BTG3: variants seen among roughly 807,000 people sequenced by gnomAD.
The protein encoded by BTG3 is protein BTG3.
In BTG3, 4 loss-of-function variants were observed where a neutral mutation model predicts 25.8. The ratio of observed to expected loss-of-function variants is 0.16; its 90% CI spans 0.08 to 0.36. BTG3 has a LOEUF of 0.36. BTG3 is among the 10% of genes least tolerant of loss of function. BTG3 has a pLI of 1.00. For missense variants in BTG3, 201 were observed against 304.9 expected (o/e 0.66, Z 2.54); for synonymous variants, 107 against 99.9 (o/e 1.07, Z -0.42).
intron 2 of BTG3, among the ~76,000 whole-genome samples, chr21:17,605,884 T>A (rs936406947): frequency 6.6e-6 from 1 of 152,204 alleles, no homozygotes; most frequent in African/African-American, 2.4e-5. Context: ...CCTAGTTAAG[T>A]CACTGTACCT....
At position 17,598,775 on chromosome 21, in the gene BTG3, C is replaced by T; in HGVS notation, c.361G>A (p.Asp121Asn). ...AFIVASFENK[D>N]ENKDEISRKV... ...CTGGAGATCTCATCCTTGTTCTCAT[C>T]TTTATTTTCAAAGCTGGCAACAATG... is the stretch of plus-strand genomic sequence containing the variant. The change falls in exon 4 of 5, where the codon GAT becomes AAT. Residue 121 changes from aspartate to asparagine, a missense_variant. Around this residue, in one of 2 missense-constraint regions of BTG3, gnomAD observed 70 missense variants for 175.7 expected, o/e 0.40. Coordinates refer to ENST00000348354, the MANE Select transcript of BTG3 (RefSeq NM_006806.5). The T allele has an allele frequency of 1.2e-6, 2 of 1,614,146 alleles. No individual in the cohort carries two copies. The highest frequency in any genetic ancestry group is 1.1e-5 in the South Asian group (1 of 91,074).
intron 3 of BTG3, among the ~76,000 whole-genome samples, chr21:17,602,240 T>C (rs1432769979): frequency 6.6e-6 from 1 of 152,236 alleles, no homozygotes; most frequent in Non-Finnish European, 1.5e-5. Context: ...GCAAGATTTA[T>C]TTTCTATTCT....
Position 17,598,625 on chromosome 21 carries a change from C to G in BTG3, c.511G>C (p.Val171Leu). 3.1e-6 allele frequency: 5 copies of G among 1,613,866 alleles called. No homozygotes were observed. Among genetic ancestry groups the G allele is most frequent in the Non-Finnish European group, 4.2e-6 (5 of 1,179,834 alleles). Residue 171 changes from valine (V) to leucine (L), a missense_variant, in exon 4 of 5, where the codon GTG becomes CTG. Physicochemically the swap from Val to Leu is conservative, Grantham distance 32 (BLOSUM62 1). This residue lies in a region of BTG3 where 131 missense variants were observed against 129.3 expected (regional missense o/e 1.01). Transcript: ENST00000348354. ...PSSVTAAASP[V>L]YQISELIFPP... ...GCTGTTTTCATGGTTACCTGGTACA[C>G]AGGACTTGCGGCTGCAGTCACCGAA...
intron 1 of BTG3, among the ~76,000 whole-genome samples, chr21:17,610,529 T>G (rs2061706215): frequency 6.6e-6 from 1 of 152,228 alleles, no homozygotes; most frequent in Admixed American, 6.5e-5. Context: ...TTAGCTACAT[T>G]TTGGATTGCC....
At chr21:17,605,109 C>A in intron 2 of BTG3, 112 bp from the exon 3 acceptor site, 1 of 1,222,778 alleles carries the variant, frequency 8.2e-7, no homozygotes, top group East Asian at 2.6e-5. Context: ...AAAAAATACC[C>A]TGGTAGAGAA....
intron 4 of BTG3, among the ~76,000 whole-genome samples, chr21:17,595,021 A>T (rs1257979603): frequency 1.3e-5 from 2 of 151,996 alleles, no homozygotes; most frequent in African/African-American, 4.8e-5. Context: ...AAAAAAGATA[A>T]ACACAAAACA....
intron 1 of BTG3, chr21:17,612,388 T>C (rs1222649668): frequency 6.6e-6 from 1 of 151,950 alleles, no homozygotes; most frequent in Non-Finnish European, 1.5e-5. Flanking sequence ...AGCCGCGGGG[T>C]TGTCGCCCAC....
At chr21:17,598,521 C>T in intron 4 of BTG3, 96 bp downstream of exon 4, 2 of 1,036,720 alleles carry the variant, frequency 1.9e-6, no homozygotes, top group Non-Finnish European at 2.8e-6. Flanking sequence ...TCCAGAATCT[C>T]AAGTCAGAAA....
At chr21:17,597,984 CA>C (rs1279965135) in intron 4 of BTG3, among the ~76,000 whole-genome samples, 1 of 152,024 alleles carries the variant, frequency 6.6e-6, no homozygotes, top group Admixed American at 6.6e-5. Context: ...AGGCTCAACT[CA>C]AAAAATCTCT....
At chr21:17,604,452 A>G (rs2061613275) in intron 3 of BTG3, among the ~76,000 whole-genome samples, 1 of 152,230 alleles carries the variant, frequency 6.6e-6, no homozygotes, top group Non-Finnish European at 1.5e-5. Flanking sequence ...TCCCAAAAAA[A>G]AAGAGGAGAG....
intron 1 of BTG3, among the ~76,000 whole-genome samples, chr21:17,610,057 G>A (rs769818415): frequency 2.1e-4 from 32 of 152,074 alleles, no homozygotes; most frequent in Non-Finnish European, 3.8e-4. Flanking sequence ...TCACACTAAG[G>A]GAAAGAAGCC....
At chr21:17,601,929 T>C (rs1274099571) in intron 3 of BTG3, among the ~76,000 whole-genome samples, 1 of 152,200 alleles carries the variant, frequency 6.6e-6, no homozygotes, top group African/African-American at 2.4e-5. Context: ...CTTTGTACTA[T>C]TTTGGTATGA....
Position 17,594,025 on chromosome 21 carries a change from C to T in BTG3, c.*68G>A. 6.5e-7 allele frequency: 1 copy of T among 1,530,256 alleles called. No homozygotes were observed. The highest frequency in any genetic ancestry group is 1.4e-5 in the African/African-American group (1 of 72,184). The allele number at this position is 1,530,256 out of a possible 1,614,324, so 94.8% of individuals were successfully genotyped here. A position where few individuals can be genotyped will look rare whatever the true frequency, so the allele number is the denominator to read the frequency against. On this transcript the variant is annotated 3_prime_UTR_variant, in exon 5 of 5. Coordinates refer to ENST00000348354, the MANE Select transcript of BTG3 (RefSeq NM_006806.5). ...CACTACTATTAGTAAGAACTTTTAA[C>T]TTTTAATGTGTAGTAAGGTTTATTC...
intron 4 of BTG3, among the ~76,000 whole-genome samples, chr21:17,597,127 G>C (rs1349906628): frequency 6.6e-6 from 1 of 152,032 alleles, no homozygotes; most frequent in African/African-American, 2.4e-5. Context: ...AAGCACGTAA[G>C]AGACACCTCA....
intron 1 of BTG3, among the ~76,000 whole-genome samples, chr21:17,609,533 T>C (rs1211182571): frequency 2.0e-5 from 3 of 152,210 alleles, no homozygotes; most frequent in Non-Finnish European, 4.4e-5. Flanking sequence ...GTGAAATGAT[T>C]TGAACTTTAA....
Position 17,594,327 on chromosome 21 carries a change from T to C in BTG3, c.525A>G (p.Ser175=). 6.2e-7 allele frequency: 1 copy of C among 1,612,700 alleles called. No homozygotes were observed. The highest frequency in any genetic ancestry group is 8.5e-7 in the Non-Finnish European group (1 of 1,179,100). Residue 175 remains serine (S), a synonymous_variant, in exon 5 of 5, where the codon TCA becomes TCG. Coordinates refer to ENST00000348354, the MANE Select transcript of BTG3 (RefSeq NM_006806.5). ...TTGGAAGAGGTGGAAATATAAGTTC[T>C]GAAATCTGTAGGGAAGAGAACACAT... ...TAAASPVYQI[S]ELIFPPLPMW...
At chr21:17,610,887 G>C (rs1048588529) in intron 1 of BTG3, among the ~76,000 whole-genome samples, 2 of 152,090 alleles carry the variant, frequency 1.3e-5, no homozygotes, top group African/African-American at 4.8e-5. Flanking sequence ...TTTATTCCAA[G>C]TGCAAATTCA....
At chr21:17,599,551 C>T (rs1277977522) in intron 3 of BTG3, among the ~76,000 whole-genome samples, 5 of 151,728 alleles carry the variant, frequency 3.3e-5, no homozygotes, top group African/African-American at 1.2e-4. Context: ...AATCTCGGCC[C>T]ACTACAATCT....
Position 17,605,007 on chromosome 21 carries a change from A to C in BTG3, c.174-10T>G. 1 of 1,612,814 alleles carries C rather than the reference A, an allele frequency of 6.2e-7. No individual in the cohort carries two copies. Among genetic ancestry groups the C allele is most frequent in the Non-Finnish European group, 8.5e-7 (1 of 1,179,506 alleles). On this transcript the variant is annotated splice_polypyrimidine_tract_variant and intron_variant, in intron 2 of 4. Coordinates refer to ENST00000348354, the MANE Select transcript of BTG3 (RefSeq NM_006806.5). ...ATTGACACGAATACATCTACAACAA[A>C]GTGGAGTTACGTTAATGGATTTAAA... is the stretch of plus-strand genomic sequence containing the variant.
Sources: allele counts gnomAD v4.1 joint callset (sites outside exome capture counted in the v4.1 genomes callset), GRCh38; gene constraint gnomAD v4.1.1; regional missense constraint gnomAD v4.1.1; transcripts MANE v1.5; gene names NCBI Gene and HGNC (gene_info 2026-07-23, HGNC 2026-07-21).